Variants in TMEFF1 observed in about 807,000 individuals in gnomAD.
TMEFF1 encodes tomoregulin-1.
TMEFF1 carries 20 observed loss-of-function variants against 47.5 expected under a neutral mutation model. That is an observed-to-expected ratio of 0.42 (90% CI 0.30 to 0.61). The LOEUF (loss-of-function observed/expected upper bound fraction) is 0.61, where lower values mean the gene tolerates loss of function less well. TMEFF1 is among the 20% of genes least tolerant of loss of function. The probability of loss-of-function intolerance (pLI) is 0.19; values close to 1 mark genes in which losing one functional copy is unlikely to be tolerated. For synonymous variants in TMEFF1, 162 were observed against 166.3 expected, an observed-to-expected ratio of 0.97 and a Z score of 0.20; for missense variants, 411 against 471.1, an observed-to-expected ratio of 0.87 and a Z score of 1.18.
chr9:100,520,196 A>C (rs2118401042), intron 5 of TMEFF1, among the ~76,000 whole-genome samples: 1 of 152,252 alleles, frequency 6.6e-6, no homozygotes, highest in East Asian at 1.9e-4. Context: ...CTGTAATCTC[A>C]GAACCTTTAG....
intron 1 of TMEFF1, among the ~76,000 whole-genome samples, chr9:100,496,981 A>G (rs1258329505): frequency 6.6e-6 from 1 of 152,178 alleles, no homozygotes; most frequent in Non-Finnish European, 1.5e-5. Context: ...TTTACAGGGC[A>G]GTTCTTTATT....
intron 5 of TMEFF1, among the ~76,000 whole-genome samples, chr9:100,524,345 G>C (rs1838218181): frequency 6.6e-6 from 1 of 152,292 alleles, no homozygotes; most frequent in Non-Finnish European, 1.5e-5. Flanking sequence ...CCAGTACCTT[G>C]TGTTAACCTA....
rs754560253 is a variant in TMEFF1, at chr9:100,516,684, G to A, written c.473G>A (p.Gly158Glu). 1.4e-5 allele frequency: 23 copies of A among 1,613,002 alleles called. No homozygotes were observed. The highest frequency in any genetic ancestry group is 6.8e-6 in the Non-Finnish European group (8 of 1,179,664). Residue 158 changes from glycine to glutamate, a missense_variant, in exon 5 of 10, where the codon GGG becomes GAG. Gly to Glu is a moderately conservative substitution (Grantham distance 98). Transcript: ENST00000374879. ...TTTTCTTTTTAAACAGAAGAGGAAGGGTCAGGGGCAGAAGTTCACAGAAAA... is the reference window on the plus strand; with the variant it reads ...TTTTCTTTTTAAACAGAAGAGGAAGAGTCAGGGGCAGAAGTTCACAGAAAA... ...GSGSGEGEEE[G>E]SGAEVHRKHS...
intron 7 of TMEFF1, among the ~76,000 whole-genome samples, chr9:100,559,572 G>A (rs1183326026): frequency 6.6e-6 from 1 of 152,010 alleles, no homozygotes; most frequent in Non-Finnish European, 1.5e-5. Flanking sequence ...ATGTGAAAAT[G>A]ATATTTATTG....
At chr9:100,485,022 C>A (rs1169412945) in intron 1 of TMEFF1, among the ~76,000 whole-genome samples, 4 of 152,148 alleles carry the variant, frequency 2.6e-5, no homozygotes, top group Non-Finnish European at 5.9e-5. Flanking sequence ...CTGGACATTT[C>A]ATATAAATGG....
chr9:100,537,936 G>A (rs1424951040), intron 5 of TMEFF1, among the ~76,000 whole-genome samples: 1 of 151,666 alleles, frequency 6.6e-6, no homozygotes, highest in African/African-American at 2.4e-5. Context: ...ATTTTTTTCT[G>A]TTTCCTTAAT....
At chr9:100,484,398 A>G (rs1587814064) in intron 1 of TMEFF1, among the ~76,000 whole-genome samples, 1 of 151,484 alleles carries the variant, frequency 6.6e-6, no homozygotes, top group African/African-American at 2.4e-5. Context: ...GCTCACCGCA[A>G]CCTCTGCCTC....
Position 100,516,265 on chromosome 9 carries a change from T to C in TMEFF1, c.464-410T>C, listed in dbSNP as rs986363371. ...GGAAAAGGTGAGAGTTACATTCTTTTGTGGTCAGGCGCTTATCTGCTGACC... is the reference window on the plus strand; with the variant it reads ...GGAAAAGGTGAGAGTTACATTCTTTCGTGGTCAGGCGCTTATCTGCTGACC... On this transcript the variant is annotated intron_variant, in intron 4 of 9. Coordinates refer to ENST00000374879, the MANE Select transcript of TMEFF1 (RefSeq NM_003692.5). Among the ~76,000 whole-genome samples, 12 of 152,298 alleles carry C rather than the reference T, an allele frequency of 7.9e-5. 2 individuals are homozygous for C. Among genetic ancestry groups the C allele is most frequent in the African/African-American group, 2.9e-4 (12 of 41,574 alleles).
At chr9:100,475,944 A>G (rs527781933) in intron 1 of TMEFF1, among the ~76,000 whole-genome samples, 12 of 152,190 alleles carry the variant, frequency 7.9e-5, no homozygotes, top group African/African-American at 2.9e-4. Context: ...AGTGTGGGAA[A>G]AAGGGGACTG....
intron 8 of TMEFF1, among the ~76,000 whole-genome samples, chr9:100,566,639 C>T (rs1036341284): frequency 3.3e-5 from 5 of 152,144 alleles, no homozygotes; most frequent in African/African-American, 9.7e-5. Context: ...CAGTAGCTTC[C>T]GTGATTGTAT....
chr9:100,493,454 G>A (rs1311256055), intron 1 of TMEFF1, among the ~76,000 whole-genome samples: 1 of 152,198 alleles, frequency 6.6e-6, no homozygotes, highest in African/African-American at 2.4e-5. Flanking sequence ...GCTGCCAGAA[G>A]TTGGGAATTT....
chr9:100,568,048 C>G (rs891007341), intron 8 of TMEFF1, among the ~76,000 whole-genome samples: 34 of 152,284 alleles, frequency 2.2e-4, no homozygotes, highest in African/African-American at 7.7e-4. Context: ...ATTCAATCAC[C>G]TCCCACTGGG....
chr9:100,550,849 C>T lies in TMEFF1; in HGVS notation c.775+689C>T, dbSNP rs1402337644. Among the ~76,000 whole-genome samples the T allele has an allele frequency of 2.0e-5, 3 of 152,302 alleles. No homozygotes were observed. In the East Asian group the frequency reaches 5.8e-4, roughly 29 times the overall value. ...AAAGAGTGGATGTGGCTCAAAGAAGCAGTAGGTTTTATTTACACAAGGTCT... is the reference window on the plus strand; with the variant it reads ...AAAGAGTGGATGTGGCTCAAAGAAGTAGTAGGTTTTATTTACACAAGGTCT... On this transcript the variant is annotated intron_variant, in intron 7 of 9. Coordinates refer to ENST00000374879, the MANE Select transcript of TMEFF1 (RefSeq NM_003692.5).
At chr9:100,526,722 T>C (rs1273569434) in intron 5 of TMEFF1, among the ~76,000 whole-genome samples, 2 of 151,998 alleles carry the variant, frequency 1.3e-5, no homozygotes, top group Admixed American at 6.5e-5. Context: ...CAATGAGTTA[T>C]AATTGTTCTT....
intron 5 of TMEFF1, among the ~76,000 whole-genome samples, chr9:100,522,427 CTTCTTT>C (rs1838178612): frequency 1.0e-5 from 1 of 95,384 alleles, no homozygotes; most frequent in Admixed American, 1.2e-4. Context: ...CCAGAAATAT[CTTCTTT>C]TTTTTTTTTT....
chr9:100,531,881 A>G (rs1056973050), intron 5 of TMEFF1, among the ~76,000 whole-genome samples: 3 of 151,480 alleles, frequency 2.0e-5, no homozygotes, highest in African/African-American at 7.3e-5. Context: ...TGGTACTGGT[A>G]CCAAAACAGA....
At chr9:100,530,275 C>CA (rs1838351543) in intron 5 of TMEFF1, among the ~76,000 whole-genome samples, 1 of 151,976 alleles carries the variant, frequency 6.6e-6, no homozygotes, top group African/African-American at 2.4e-5. Flanking sequence ...AAAAACCCTT[C>CA]AAAAAATTAA....
rs1010039915 is a variant in TMEFF1 at position 100,576,911 on chromosome 9, C to G, written c.*311C>G. On this transcript the variant is annotated 3_prime_UTR_variant, in exon 10 of 10. Transcript: ENST00000374879. The stretch of plus-strand genomic sequence containing the variant: ...ACAAATGGTTATAAAGTCATATCCA[C>G]TTCTTCCACAATGACCACAGCAAAT... 1 of 197,508 alleles carries G rather than the reference C, an allele frequency of 5.1e-6. No individual in the cohort carries two copies. The highest frequency in any genetic ancestry group is 2.3e-5 in the African/African-American group (1 of 43,076). The allele number at this position is 197,508 out of a possible 1,614,324, so 12.2% of individuals were successfully genotyped here.
At chr9:100,560,483 G>C (rs549147664) in intron 7 of TMEFF1, among the ~76,000 whole-genome samples, 1 of 152,080 alleles carries the variant, frequency 6.6e-6, no homozygotes, top group Admixed American at 6.5e-5. Context: ...TTAATGTATT[G>C]GTGCATATAC....
Sources: gnomAD v4.1 joint callset for allele counts (sites outside exome capture counted in the v4.1 genomes callset) on GRCh38, gnomAD v4.1.1 for gene constraint, MANE v1.5 for transcripts, NCBI Gene and HGNC (gene_info 2026-07-23, HGNC 2026-07-21) for gene names.